Variants in ZNF385D observed in about 807,000 individuals in gnomAD.
ZNF385D encodes zinc finger protein 659.
ZNF385D carries 15 observed loss-of-function variants against 35.8 expected under a neutral mutation model. The observed-to-expected ratio is 0.42, with a 90% CI of 0.28 to 0.64. The LOEUF (loss-of-function observed/expected upper bound fraction) is 0.64, where lower values mean the gene tolerates loss of function less well. Ranked by LOEUF, ZNF385D falls within the 30% of genes least tolerant of loss-of-function variation. ZNF385D has a pLI of 0.23. For synonymous variants in ZNF385D, 212 were observed against 186.8 expected (o/e 1.13, Z -1.10); for missense variants, 474 against 494.6 (o/e 0.96, Z 0.39).
chr3:21,852,930 A>T (rs1374110643), intron 3 of ZNF385D, among the ~76,000 whole-genome samples: 1 of 151,862 alleles, frequency 6.6e-6, no homozygotes. Flanking sequence ...AATATGTTAA[A>T]CATCCAAGTC....
intron 2 of ZNF385D, among the ~76,000 whole-genome samples, chr3:22,353,588 C>G (rs552731954): frequency 1.1e-4 from 16 of 152,130 alleles, no homozygotes; most frequent in African/African-American, 3.9e-4. Flanking sequence ...CACTATCCCC[C>G]CTTCCTTGTT....
intron 3 of ZNF385D, among the ~76,000 whole-genome samples, chr3:21,946,511 T>C (rs1701793197): frequency 6.6e-6 from 1 of 152,202 alleles, no homozygotes; most frequent in South Asian, 2.1e-4. Context: ...ATGAACTGAT[T>C]TGTTTTCATG....
At chr3:22,235,488 C>G (rs1028580418) in intron 2 of ZNF385D, among the ~76,000 whole-genome samples, 3 of 151,910 alleles carry the variant, frequency 2.0e-5, no homozygotes, top group East Asian at 3.9e-4. Flanking sequence ...TTCAGTGTGT[C>G]CAAAATACCC....
rs1696431938 is a variant in ZNF385D at position 21,852,307 on chromosome 3, A to G, written c.326-187279T>C. ...CCTTAAGGAATGAGAGGCAATTTAG[A>G]GAAGGTAGAAATTCCAACAAGCTCA... On this transcript the variant is annotated intron_variant, in intron 3 of 5. Coordinates refer to the ZNF385D transcript ENST00000494108. 2.0e-5 allele frequency among the ~76,000 whole-genome samples: 3 copies of G among 151,938 alleles called. No homozygotes were observed. In the South Asian group the frequency reaches 6.2e-4, roughly 31 times the overall value.
At chr3:21,607,134 GGT>G (rs1488884243) in intron 2 of ZNF385D, among the ~76,000 whole-genome samples, 1 of 151,862 alleles carries the variant, frequency 6.6e-6, no homozygotes, top group Non-Finnish European at 1.5e-5. Context: ...TAAAATTGAT[GGT>G]GTGTACAGTA....
chr3:22,372,412 C>T (rs375686555), intron 2 of ZNF385D: 181 of 981,136 alleles, frequency 1.8e-4, no homozygotes, highest in Middle Eastern at 1.6e-3. Flanking sequence ...CGAACTCCGC[C>T]ACCTGAACCG....
At chr3:22,305,793 TA>T (rs1272676794) in intron 2 of ZNF385D, among the ~76,000 whole-genome samples, 1 of 152,194 alleles carries the variant, frequency 6.6e-6, no homozygotes, top group Non-Finnish European at 1.5e-5. Context: ...CAATGATTAC[TA>T]CACTAATTAA....
chr3:22,085,117 A>G (rs1439470807), intron 3 of ZNF385D, among the ~76,000 whole-genome samples: 1 of 152,244 alleles, frequency 6.6e-6, no homozygotes, highest in Non-Finnish European at 1.5e-5. Context: ...CTCACAAGAG[A>G]AAGCAGGAAA....
intron 3 of ZNF385D, among the ~76,000 whole-genome samples, chr3:22,023,079 C>A (rs259439): frequency 0.39 from 59,479 of 152,016 alleles, 12,153 homozygotes; most frequent in African/African-American, 0.49. Flanking sequence ...TTCCTCCCTC[C>A]CTGAGGTCTT....
chr3:21,576,710 C>A (rs947386065), intron 2 of ZNF385D, among the ~76,000 whole-genome samples: 10 of 151,982 alleles, frequency 6.6e-5, no homozygotes, highest in Non-Finnish European at 1.2e-4. Context: ...GCACTCAATA[C>A]ATATTTAAAC....
chr3:22,219,431 C>T (rs533275515), intron 2 of ZNF385D, among the ~76,000 whole-genome samples: 93 of 152,176 alleles, frequency 6.1e-4, no homozygotes, highest in African/African-American at 2.0e-3. Flanking sequence ...GATCATTGTG[C>T]CCTGTCACCA....
intron 2 of ZNF385D, among the ~76,000 whole-genome samples, chr3:22,251,386 A>C (rs1700057034): frequency 6.6e-6 from 1 of 152,178 alleles, no homozygotes. Flanking sequence ...ACAAACAAAC[A>C]AATATAATAC....
chr3:22,343,530 G>A (rs768614782), intron 2 of ZNF385D, among the ~76,000 whole-genome samples: 4 of 152,212 alleles, frequency 2.6e-5, no homozygotes, highest in Non-Finnish European at 5.9e-5. Context: ...AGTGGCAGCA[G>A]TGTCCGTGGC....
intron 2 of ZNF385D, among the ~76,000 whole-genome samples, chr3:22,319,949 T>C (rs898104403): frequency 6.6e-6 from 1 of 152,186 alleles, no homozygotes; most frequent in Non-Finnish European, 1.5e-5. Context: ...TTACTATTTA[T>C]TATTTTGAGA....
Position 21,412,984 on chromosome 3 carries a change from G to C in ZNF385D, c.*8230C>G, listed in dbSNP as rs1700512963. On this transcript the variant is annotated 3_prime_UTR_variant, in exon 8 of 8. Transcript: ENST00000281523. ...TGTTATCACATGACTTAAAACAGAA[G>C]ACTGGCATAAAACAAACTATGTGAA... The C allele has an allele frequency of 6.6e-6, 1 of 151,148 alleles. No individual in the cohort carries two copies. The highest frequency in any genetic ancestry group is 2.4e-5 in the African/African-American group (1 of 40,912). The allele number at this position is 151,148 out of a possible 1,614,324, so 9.4% of individuals were successfully genotyped here. A position where few individuals can be genotyped will look rare whatever the true frequency, so the allele number is the denominator to read the frequency against.
At chr3:22,332,861 G>A (rs979771470) in intron 2 of ZNF385D, among the ~76,000 whole-genome samples, 2 of 151,292 alleles carry the variant, frequency 1.3e-5, no homozygotes, top group African/African-American at 2.4e-5. Flanking sequence ...AAATGTAGTA[G>A]TTATTATATT....
At chr3:22,274,655 T>C (rs1249450541) in intron 2 of ZNF385D, among the ~76,000 whole-genome samples, 1 of 104,206 alleles carries the variant, frequency 9.6e-6, no homozygotes, top group Non-Finnish European at 1.8e-5. Context: ...TATTTGTTCA[T>C]TTTAGTAAAT....
At chr3:22,065,463 G>C (rs1359787575) in intron 3 of ZNF385D, among the ~76,000 whole-genome samples, 1 of 152,044 alleles carries the variant, frequency 6.6e-6, no homozygotes, top group Non-Finnish European at 1.5e-5. Context: ...GCAGGGTAGG[G>C]GCAACAAGAG....
intron 1 of ZNF385D, among the ~76,000 whole-genome samples, chr3:21,672,048 T>C (rs2066592512): frequency 6.6e-6 from 1 of 152,190 alleles, no homozygotes; most frequent in Non-Finnish European, 1.5e-5. Flanking sequence ...TGGTTGGGGA[T>C]AACAATGAGC....
Sources: gnomAD v4.1 joint callset for allele counts (sites outside exome capture counted in the v4.1 genomes callset) on GRCh38, gnomAD v4.1.1 for gene constraint, MANE v1.5 for transcripts, NCBI Gene and HGNC (gene_info 2026-07-23, HGNC 2026-07-21) for gene names.